Variants in CYS1 observed in about 807,000 individuals in gnomAD.
The protein encoded by CYS1 is cystin-1.
In CYS1, 5 loss-of-function variants were observed where a neutral mutation model predicts 9.6. The observed-to-expected ratio is 0.52, with a 90% CI of 0.27 to 1.10. CYS1 has a LOEUF of 1.10. Among genes scored for constraint, CYS1 ranks in the 50% least tolerant of loss-of-function variants. The probability of loss-of-function intolerance (pLI) is 0.11; values close to 1 mark genes in which losing one functional copy is unlikely to be tolerated. For synonymous variants in CYS1, 88 were observed against 95.7 expected, an observed-to-expected ratio of 0.92 and a Z score of 0.47; for missense variants, 221 against 207.9, an observed-to-expected ratio of 1.06 and a Z score of -0.39.
rs1229498110 is a variant in CYS1 at position 10,076,597 on chromosome 2, G to A, written c.318+3309C>T. ...CTTCCAGCAGCTGAGCACGCCCTCC[G>A]TCCTAAGCACCTTCCTCCCTTGGCT... On this transcript the variant is annotated intron_variant, in intron 1 of 2. Transcript: ENST00000381813. This position sits in a 1 kb window ranked among gnomAD's most constrained non-coding sequence, Gnocchi z 4.3. Among the ~76,000 whole-genome samples the A allele has an allele frequency of 1.3e-5, 2 of 152,222 alleles. No individual in the cohort carries two copies. Among genetic ancestry groups the A allele is most frequent in the Non-Finnish European group, 1.5e-5 (1 of 68,006 alleles).
intron 1 of CYS1, among the ~76,000 whole-genome samples, chr2:10,078,322 A>C (rs1208988839): frequency 2.0e-5 from 3 of 152,120 alleles, no homozygotes; most frequent in Admixed American, 6.5e-5. Flanking sequence ...GACTCTGTCC[A>C]GTTCATCCTC....
At chr2:10,078,891 A>G (rs1661898293) in intron 1 of CYS1, among the ~76,000 whole-genome samples, 1 of 152,048 alleles carries the variant, frequency 6.6e-6, no homozygotes, top group South Asian at 2.1e-4. Flanking sequence ...TTTGCCTCTC[A>G]TTTTCACCTC....
chr2:10,079,194 T>A (rs1315207331), intron 1 of CYS1, among the ~76,000 whole-genome samples: 2 of 152,080 alleles, frequency 1.3e-5, no homozygotes, highest in Non-Finnish European at 2.9e-5. Flanking sequence ...TTTTCAGGAT[T>A]CCTTGGTGCG....
chr2:10,080,200 G>T lies in CYS1; in HGVS notation c.24C>A (p.Ser8Arg). MGSGSSR[S>R]SRTLRRRRSP... is the part of the protein sequence containing the mutation. ...TGCGCCGCCGCCTCAGAGTCCGGCT[G>T]CTCCGGCTGCTGCCGCTGCCCATGG... The change falls in exon 1 of 3, where the codon AGC (serine) becomes AGA (arginine). Residue 8 changes from serine to arginine, a missense_variant. By Grantham distance (110) the Ser-to-Arg change is moderately radical. Coordinates refer to ENST00000381813, the MANE Select transcript of CYS1 (RefSeq NM_001037160.3). The surrounding 1 kb of genome is among the most constrained non-coding windows in gnomAD (Gnocchi z 6.4). 3 of 1,064,800 alleles carry T rather than the reference G, an allele frequency of 2.8e-6. No homozygotes were observed. Among genetic ancestry groups the T allele is most frequent in the Non-Finnish European group, 3.4e-6 (3 of 884,550 alleles). The allele number at this position is 1,064,800 out of a possible 1,614,324, so 66.0% of individuals were successfully genotyped here.
At chr2:10,068,389 T>A (rs1422499219) in intron 1 of CYS1, among the ~76,000 whole-genome samples, 2 of 152,228 alleles carry the variant, frequency 1.3e-5, no homozygotes, top group African/African-American at 4.8e-5. Context: ...TGGCAGCTTG[T>A]CATCATTGAA....
chr2:10,073,326 G>A (rs1284132124), intron 1 of CYS1, among the ~76,000 whole-genome samples: 1 of 151,816 alleles, frequency 6.6e-6, no homozygotes, highest in Non-Finnish European at 1.5e-5. Flanking sequence ...GAGACCCAGA[G>A]AGGCTGTCAC....
intron 2 of CYS1, among the ~76,000 whole-genome samples, chr2:10,064,178 G>A (rs894606090): frequency 1.6e-4 from 24 of 152,112 alleles, no homozygotes; most frequent in Middle Eastern, 3.4e-3. Context: ...AGCCGAGATC[G>A]TACCAGTGCA....
At chr2:10,079,597 G>A (rs1391576164) in intron 1 of CYS1, among the ~76,000 whole-genome samples, 2 of 152,054 alleles carry the variant, frequency 1.3e-5, no homozygotes, top group East Asian at 3.9e-4. Flanking sequence ...GCTCCAGGGC[G>A]GCCCGGGAAG....
intron 1 of CYS1, among the ~76,000 whole-genome samples, chr2:10,070,195 C>G (rs547303071): frequency 1.3e-5 from 2 of 152,314 alleles, no homozygotes; most frequent in African/African-American, 4.8e-5. Context: ...GCTCCCGTCT[C>G]CTCACCTTCC....
At chr2:10,071,122 C>T (rs901850761) in intron 1 of CYS1, among the ~76,000 whole-genome samples, 2 of 152,216 alleles carry the variant, frequency 1.3e-5, no homozygotes, top group Non-Finnish European at 2.9e-5. Flanking sequence ...CCCGCCACCA[C>T]GCCCAACTAA....
intron 1 of CYS1, among the ~76,000 whole-genome samples, chr2:10,072,232 G>A (rs1259964266): frequency 6.6e-6 from 1 of 152,050 alleles, no homozygotes; most frequent in South Asian, 2.1e-4. Flanking sequence ...ACAGGCATCC[G>A]CCACCACACC....
Position 10,066,236 on chromosome 2 carries a change from T to C in CYS1, c.319-280A>G, listed in dbSNP as rs905139706. ...TCCCAGACGGCCACCCATGTGAGGGTTGTCTCTCACCCCCAGGGGTCATGT... is the reference window on the plus strand; with the variant it reads ...TCCCAGACGGCCACCCATGTGAGGGCTGTCTCTCACCCCCAGGGGTCATGT... On this transcript the variant is annotated intron_variant, in intron 1 of 2. Coordinates refer to ENST00000381813, the MANE Select transcript of CYS1 (RefSeq NM_001037160.3). Among the ~76,000 whole-genome samples, 4 of 151,950 alleles carry C rather than the reference T, an allele frequency of 2.6e-5. No individual in the cohort carries two copies. The South Asian group carries it at 8.3e-4, about 32-fold the overall frequency.
chr2:10,065,616 G>T (rs1441373611), intron 2 of CYS1, among the ~76,000 whole-genome samples: 2 of 152,232 alleles, frequency 1.3e-5, no homozygotes, highest in Non-Finnish European at 2.9e-5. Flanking sequence ...GAATATTTTT[G>T]AATGAGTTAC....
In CYS1 at chr2:10,065,022, G is replaced by A. The variant is rs930546460; in HGVS notation, c.371+882C>T. Among the ~76,000 whole-genome samples the A allele has an allele frequency of 3.9e-5, 6 of 151,974 alleles. 1 individual carries two copies. Among genetic ancestry groups the A allele is most frequent in the Non-Finnish European group, 7.4e-5 (5 of 67,994 alleles). ...CTCCCAAATTGCTGGGATTATAGGC[G>A]TGAGCCACTGGGTCCGGCCCCTTCA... On this transcript the variant is annotated intron_variant, in intron 2 of 2. Transcript: ENST00000381813.
chr2:10,061,848 T>C (rs906990922), intron 2 of CYS1, among the ~76,000 whole-genome samples: 1 of 152,118 alleles, frequency 6.6e-6, no homozygotes, highest in Non-Finnish European at 1.5e-5. Context: ...CCATAAGCTC[T>C]TTCTTTCCCC....
intron 2 of CYS1, among the ~76,000 whole-genome samples, chr2:10,062,678 T>C (rs1030263025): frequency 1.4e-4 from 21 of 152,164 alleles, no homozygotes; most frequent in African/African-American, 4.8e-4. Context: ...GCTGGGATTA[T>C]AGGTATGAGC....
chr2:10,073,150 G>A (rs532788584), intron 1 of CYS1, among the ~76,000 whole-genome samples: 2 of 151,530 alleles, frequency 1.3e-5, no homozygotes, highest in East Asian at 1.9e-4. Context: ...TGGGCTCTGC[G>A]ATGAGACCTG....
At chr2:10,060,148 C>T (rs1436085141) in intron 2 of CYS1, among the ~76,000 whole-genome samples, 2 of 152,252 alleles carry the variant, frequency 1.3e-5, no homozygotes, top group East Asian at 3.8e-4. Context: ...CTGACAGGGT[C>T]CAGGAGAGGC....
In CYS1 at chr2:10,080,115, G is replaced by A. The variant is rs1311192643; in HGVS notation, c.109C>T (p.Arg37Trp). 2 of 1,026,934 alleles carry A rather than the reference G, an allele frequency of 1.9e-6. No homozygotes were observed. Among genetic ancestry groups the A allele is most frequent in the South Asian group, 4.3e-5 (1 of 23,520 alleles). 63.6% of individuals were successfully genotyped at this position (1,026,934 alleles called of 1,614,324 possible). A position where few individuals can be genotyped will look rare whatever the true frequency, so the allele number is the denominator to read the frequency against. The change falls in exon 1 of 3, where the codon CGG (arginine) becomes TGG (tryptophan). Residue 37 changes from arginine to tryptophan, a missense_variant. Transcript: ENST00000381813. This position sits in a 1 kb window ranked among gnomAD's most constrained non-coding sequence, Gnocchi z 6.4. ...ACCTCGGCCGCCGCCACCGGCACCC[G>A]CCGGCGGGTCCCGCCCTCCAGGGCT... ...AAALEGGTRRRVPVAAAEVPG... is the reference protein window; with the variant it reads ...AAALEGGTRRWVPVAAAEVPG...
Sources: allele counts gnomAD v4.1 joint callset (sites outside exome capture counted in the v4.1 genomes callset), GRCh38; gene constraint gnomAD v4.1.1; non-coding constraint Gnocchi (gnomAD v3.1); transcripts MANE v1.5; gene names NCBI Gene and HGNC (gene_info 2026-07-23, HGNC 2026-07-21).